AKAP13: variants seen among roughly 807,000 people sequenced by gnomAD.
AKAP13 encodes the protein A-kinase anchor protein 13.
In AKAP13, 80 loss-of-function variants were observed where a neutral mutation model predicts 264.5. The observed-to-expected ratio is 0.30, with a 90% CI of 0.25 to 0.36. The LOEUF is 0.36. AKAP13 is among the 10% of genes least tolerant of loss of function. AKAP13 has a pLI of 1.00. For missense variants in AKAP13, 3,712 were observed against 3,435.2 expected (o/e 1.08, Z -2.01); for synonymous variants, 1,380 against 1,250.2 (o/e 1.10, Z -2.19).
chr15:85,665,682 C>G (rs1346171691), intron 13 of AKAP13, among the ~76,000 whole-genome samples: 1 of 152,136 alleles, frequency 6.6e-6, no homozygotes, highest in African/African-American at 2.4e-5. Context: ...TCCCCCAGCC[C>G]CCTACCACAC....
intron 1 of AKAP13, among the ~76,000 whole-genome samples, chr15:85,446,675 C>G (rs2073908660): frequency 6.6e-6 from 1 of 150,640 alleles, no homozygotes; most frequent in Non-Finnish European, 1.5e-5. Context: ...GCCTTTTCGT[C>G]TTCCCCGCTT....
At chr15:85,523,409 T>TA (rs1240819308) in intron 3 of AKAP13, among the ~76,000 whole-genome samples, 2 of 152,154 alleles carry the variant, frequency 1.3e-5, no homozygotes, top group Admixed American at 1.3e-4. Context: ...TTTGTGGACT[T>TA]AGACTTGTGT....
chr15:85,598,771 G>A (rs1172556073), intron 8 of AKAP13, among the ~76,000 whole-genome samples: 2 of 151,190 alleles, frequency 1.3e-5, no homozygotes, highest in Non-Finnish European at 1.5e-5. Context: ...CCATTGTTTA[G>A]GCCTATCTAC....
chr15:85,609,527 A>G (rs2080506211), intron 8 of AKAP13, among the ~76,000 whole-genome samples: 2 of 152,192 alleles, frequency 1.3e-5, no homozygotes, highest in Admixed American at 6.5e-5. Context: ...GTCGATGGAC[A>G]CTTAACTTGG....
At chr15:85,469,636 A>G (rs575338361) in intron 1 of AKAP13, among the ~76,000 whole-genome samples, 2 of 152,330 alleles carry the variant, frequency 1.3e-5, no homozygotes, top group South Asian at 4.1e-4. Context: ...GTTAAGCAGC[A>G]TGCATTAAAT....
intron 1 of AKAP13, chr15:85,389,967 GAGTC>G (rs2070771274): frequency 6.6e-6 from 1 of 152,228 alleles, no homozygotes; most frequent in Non-Finnish European, 1.5e-5. Context: ...AAGTTGTAGT[GAGTC>G]AGTGGGTAGA....
intron 10 of AKAP13, among the ~76,000 whole-genome samples, chr15:85,650,028 C>G (rs2082730996): frequency 6.6e-6 from 1 of 152,020 alleles, no homozygotes; most frequent in Admixed American, 6.6e-5. Context: ...ATATAAGATA[C>G]AAAACCTAAA....
chr15:85,530,185 C>T (rs1401068821), intron 3 of AKAP13, among the ~76,000 whole-genome samples: 1 of 152,182 alleles, frequency 6.6e-6, no homozygotes, highest in African/African-American at 2.4e-5. Flanking sequence ...AACACACACC[C>T]ATCCCGCGTT....
chr15:85,442,502 AT>A (rs1567059655), intron 1 of AKAP13, among the ~76,000 whole-genome samples: 202 of 108,948 alleles, frequency 1.9e-3, no homozygotes, highest in African/African-American at 5.5e-3. Flanking sequence ...TATATATTAT[AT>A]TATATATAAT....
At position 85,658,676 on chromosome 15, in the gene AKAP13, G is replaced by A. The variant is rs1176080128; in HGVS notation, c.4799+86G>A. On this transcript the variant is annotated intron_variant, in intron 12 of 36. Transcript: ENST00000394518. ...ATCTCATTCTGCTTAATCCATGATT[G>A]GATCATCTACTTTTAAGTAATGTCC... 5.0e-6 allele frequency: 6 copies of A among 1,208,328 alleles called. No individual in the cohort carries two copies. The Admixed American group carries it at 9.6e-5, about 19-fold the overall frequency. The allele number at this position is 1,208,328 out of a possible 1,614,324, so 74.9% of individuals were successfully genotyped here.
intron 8 of AKAP13, among the ~76,000 whole-genome samples, chr15:85,590,813 C>T (rs1356006578): frequency 6.6e-6 from 1 of 152,138 alleles, no homozygotes; most frequent in Non-Finnish European, 1.5e-5. Flanking sequence ...GATTACCTTT[C>T]GTTGTCATCT....
At position 85,618,028 on chromosome 15, in the gene AKAP13, G is replaced by A. The variant is rs141227584; in HGVS notation, c.4162-21346G>A. On this transcript the variant is annotated intron_variant, in intron 8 of 36. Transcript: ENST00000394518. ...GAGCCAAGGCTCACTTGGGGCACGA[G>A]AAGGGGAGGGGTTGTCCGCCTTCAT... 6.3e-3 allele frequency among the ~76,000 whole-genome samples: 962 copies of A among 152,342 alleles called. 11 individuals are homozygous for A. The highest frequency in any genetic ancestry group is 0.022 in the African/African-American group (903 of 41,568).
At chr15:85,545,823 C>T (rs572456312) in intron 5 of AKAP13, among the ~76,000 whole-genome samples, 1 of 152,288 alleles carries the variant, frequency 6.6e-6, no homozygotes, top group Admixed American at 6.5e-5. Flanking sequence ...TTTCTCCTTT[C>T]CTTCCCCTTT....
intron 5 of AKAP13, among the ~76,000 whole-genome samples, chr15:85,561,556 T>G (rs1281337248): frequency 1.3e-5 from 2 of 152,238 alleles, no homozygotes; most frequent in Non-Finnish European, 2.9e-5. Flanking sequence ...TATACGTCTG[T>G]CTAGTATAAA....
intron 20 of AKAP13, among the ~76,000 whole-genome samples, chr15:85,716,414 C>T (rs763959102): frequency 6.6e-6 from 1 of 151,972 alleles, no homozygotes; most frequent in Non-Finnish European, 1.5e-5. Flanking sequence ...ATTAGGTTCT[C>T]ACTCACTCGT....
chr15:85,445,455 A>G (rs1407904870), intron 1 of AKAP13, among the ~76,000 whole-genome samples: 3 of 152,238 alleles, frequency 2.0e-5, no homozygotes, highest in African/African-American at 7.2e-5. Flanking sequence ...TGATGCATAA[A>G]TAATTTAGGC....
chr15:85,581,004 A>G lies in AKAP13; in HGVS notation c.2936A>G (p.Gln979Arg). The G allele has an allele frequency of 3.1e-6, 5 of 1,613,940 alleles. No individual in the cohort carries two copies. Among genetic ancestry groups the G allele is most frequent in the Non-Finnish European group, 4.2e-6 (5 of 1,179,870 alleles). ...GACTGTGCCAAGGACAAAGCACTTC[A>G]GCTAAGTAATTCACCGGGTGCATCC... The part of the protein sequence containing the change: ...SADCAKDKAL[Q>R]LSNSPGASSA... The change falls in exon 7 of 37, where the codon CAG (glutamine) becomes CGG (arginine). Residue 979 changes from glutamine (Q) to arginine (R), a missense_variant. By Grantham distance (43) the Gln-to-Arg change is conservative. Around this residue, in one of 3 missense-constraint regions of AKAP13, gnomAD observed 2,759 missense variants for 2,411.7 expected, o/e 1.14. Coordinates refer to ENST00000394518, the MANE Select transcript of AKAP13 (RefSeq NM_007200.5).
intron 1 of AKAP13, among the ~76,000 whole-genome samples, chr15:85,419,948 T>A (rs1173513046): frequency 2.8e-5 from 4 of 141,270 alleles, no homozygotes. Flanking sequence ...TTTTTTTTTT[T>A]TTTTTTTTTT....
chr15:85,624,852 G>A (rs2081342807), intron 8 of AKAP13, among the ~76,000 whole-genome samples: 1 of 152,196 alleles, frequency 6.6e-6, no homozygotes, highest in South Asian at 2.1e-4. Context: ...TGTGGTTTAG[G>A]GATAATCACA....
Sources: gnomAD v4.1 joint callset for allele counts (sites outside exome capture counted in the v4.1 genomes callset) on GRCh38, gnomAD v4.1.1 for gene constraint, gnomAD v4.1.1 regional missense constraint, MANE v1.5 for transcripts, NCBI Gene and HGNC (gene_info 2026-07-23, HGNC 2026-07-21) for gene names.